The following DLGAP2 variants were observed in gnomAD, a reference collection of about 807,000 sequenced individuals.
DLGAP2 encodes DLG associated protein 2.
In DLGAP2, 26 loss-of-function variants were observed where a neutral mutation model predicts 100.3. That is an observed-to-expected ratio of 0.26 (90% CI 0.19 to 0.36). The LOEUF (loss-of-function observed/expected upper bound fraction) is 0.36, where lower values mean the gene tolerates loss of function less well. DLGAP2 is among the 10% of genes least tolerant of loss of function. The pLI, the probability that DLGAP2 is intolerant of heterozygous loss-of-function variation, is 1.00. For missense variants in DLGAP2, 1,858 were observed against 1,453.2 expected, an observed-to-expected ratio of 1.28 and a Z score of -4.53; for synonymous variants, 886 against 630.1, an observed-to-expected ratio of 1.41 and a Z score of -6.08.
intron 2 of DLGAP2, among the ~76,000 whole-genome samples, chr8:947,443 C>T (rs1041532366): frequency 2.6e-5 from 4 of 152,210 alleles, no homozygotes; most frequent in Admixed American, 2.6e-4. Flanking sequence ...CTTACGTCCG[C>T]GCGGCTCAGC....
At chr8:1,515,677 AC>A (rs1800346556) in intron 4 of DLGAP2, among the ~76,000 whole-genome samples, 1 of 103,450 alleles carries the variant, frequency 9.7e-6, no homozygotes, top group African/African-American at 4.1e-5. Context: ...ACACATGTTG[AC>A]ACACACAACA....
intron 3 of DLGAP2, among the ~76,000 whole-genome samples, chr8:1,496,812 C>T (rs1012703627): frequency 5.3e-5 from 8 of 152,282 alleles, no homozygotes; most frequent in Non-Finnish European, 1.0e-4. Flanking sequence ...TCCGCACGTT[C>T]GCTGCTGTGC....
intron 1 of DLGAP2, among the ~76,000 whole-genome samples, chr8:857,988 G>A (rs1306253137): frequency 1.3e-5 from 2 of 151,956 alleles, no homozygotes; most frequent in Non-Finnish European, 2.9e-5. Flanking sequence ...CTTGGGCCCA[G>A]CCTCCTGAGT....
At chr8:1,587,070 C>G (rs931719109) in intron 6 of DLGAP2, among the ~76,000 whole-genome samples, 2 of 152,216 alleles carry the variant, frequency 1.3e-5, no homozygotes, top group East Asian at 1.9e-4. Flanking sequence ...CAGACACTGG[C>G]TTATTGCCTG....
intron 2 of DLGAP2, among the ~76,000 whole-genome samples, chr8:942,455 A>G (rs548119830): frequency 1.6e-4 from 24 of 152,282 alleles, no homozygotes; most frequent in African/African-American, 5.8e-4. Flanking sequence ...TACTTTTCCC[A>G]CTCACATCAT....
chr8:1,413,578 T>G (rs916169124), intron 3 of DLGAP2, among the ~76,000 whole-genome samples: 36 of 152,362 alleles, frequency 2.4e-4, no homozygotes, highest in African/African-American at 8.7e-4. Context: ...AGTATTGCCT[T>G]AAAGTCCAGA....
At chr8:1,067,738 C>G (rs1585029711) in intron 2 of DLGAP2, among the ~76,000 whole-genome samples, 1 of 151,990 alleles carries the variant, frequency 6.6e-6, no homozygotes, top group African/African-American at 2.4e-5. Flanking sequence ...CACCCACGCC[C>G]TCCCTCGTGA....
chr8:1,171,534 C>T (rs1275211843), intron 2 of DLGAP2, among the ~76,000 whole-genome samples: 2 of 151,806 alleles, frequency 1.3e-5, no homozygotes, highest in African/African-American at 2.4e-5. Flanking sequence ...CTTTGTAGGT[C>T]ACTCAGGACT....
intron 2 of DLGAP2, among the ~76,000 whole-genome samples, chr8:996,346 T>A (rs1178890025): frequency 1.3e-5 from 2 of 152,182 alleles, no homozygotes; most frequent in African/African-American, 4.8e-5. Flanking sequence ...AGGGCCCCAG[T>A]GTCACCATGG....
At chr8:880,305 G>T (rs1481143439) in intron 1 of DLGAP2, among the ~76,000 whole-genome samples, 1 of 152,138 alleles carries the variant, frequency 6.6e-6, no homozygotes, top group Non-Finnish European at 1.5e-5. Context: ...TCCTGCCACC[G>T]AGGCCATGCG....
At chr8:1,434,540 A>T (rs934620539) in intron 3 of DLGAP2, among the ~76,000 whole-genome samples, 2 of 151,970 alleles carry the variant, frequency 1.3e-5, no homozygotes, top group Non-Finnish European at 2.9e-5. Flanking sequence ...GCAGTGGTAC[A>T]ATCTTGGCTC....
At chr8:1,342,759 G>T (rs560849503) in intron 3 of DLGAP2, among the ~76,000 whole-genome samples, 2 of 152,148 alleles carry the variant, frequency 1.3e-5, no homozygotes, top group African/African-American at 4.8e-5. Flanking sequence ...TGTGAAATGC[G>T]GTGTGTGTGT....
At chr8:1,641,669 G>A (rs1797902690) in intron 8 of DLGAP2, among the ~76,000 whole-genome samples, 1 of 152,102 alleles carries the variant, frequency 6.6e-6, no homozygotes, top group Non-Finnish European at 1.5e-5. Flanking sequence ...GTCCAGTGAG[G>A]ACTTCCACAT....
chr8:1,448,950 A>G (rs945704325), intron 3 of DLGAP2, among the ~76,000 whole-genome samples: 2 of 152,190 alleles, frequency 1.3e-5, no homozygotes, highest in African/African-American at 4.8e-5. Context: ...AAGGAAGCAA[A>G]GTCTGTGTCC....
chr8:985,753 C>T (rs927394413), intron 2 of DLGAP2, among the ~76,000 whole-genome samples: 4 of 152,102 alleles, frequency 2.6e-5, no homozygotes, highest in East Asian at 1.9e-4. Flanking sequence ...TTCAAGGTAA[C>T]GCTTATCTTT....
chr8:1,012,203 G>A (rs546227871), intron 2 of DLGAP2, among the ~76,000 whole-genome samples: 1 of 152,102 alleles, frequency 6.6e-6, no homozygotes, highest in African/African-American at 2.4e-5. Context: ...CCTCACTCAG[G>A]CCTGACATGT....
chr8:1,266,810 T>C (rs1045060947), intron 3 of DLGAP2, among the ~76,000 whole-genome samples: 2 of 152,022 alleles, frequency 1.3e-5, no homozygotes, highest in African/African-American at 2.4e-5. Context: ...AGGAATACTT[T>C]GGAATACATG....
chr8:859,266 G>A (rs529449732), intron 1 of DLGAP2, among the ~76,000 whole-genome samples: 9 of 152,092 alleles, frequency 5.9e-5, no homozygotes, highest in South Asian at 4.2e-4. Context: ...CGCACGCCAC[G>A]AAGCCTGGCT....
chr8:1,524,613 G>A (rs986612484), intron 4 of DLGAP2, among the ~76,000 whole-genome samples: 5 of 152,064 alleles, frequency 3.3e-5, no homozygotes, highest in Admixed American at 2.6e-4. Context: ...CCCTCCGTGC[G>A]TTTTTGTGTC....
Sources: gnomAD v4.1 joint callset for allele counts (sites outside exome capture counted in the v4.1 genomes callset) on GRCh38, gnomAD v4.1.1 for gene constraint, MANE v1.5 for transcripts, NCBI Gene and HGNC (gene_info 2026-07-23, HGNC 2026-07-21) for gene names.